Variants in UBA6 observed in about 807,000 individuals in gnomAD.
UBA6 encodes ubiquitin like modifier activating enzyme 6, also known as ubiquitin-like modifier-activating enzyme 6.
UBA6 carries 87 observed loss-of-function variants against 148.3 expected under a neutral mutation model. The observed-to-expected ratio is 0.59, with a 90% CI of 0.49 to 0.70. The LOEUF (loss-of-function observed/expected upper bound fraction) is 0.70. UBA6 is among the 30% of genes least tolerant of loss of function. The probability of loss-of-function intolerance (pLI) is 0.00; values close to 1 mark genes in which losing one functional copy is unlikely to be tolerated. For missense variants in UBA6, 1,186 were observed against 1,241.2 expected, an observed-to-expected ratio of 0.96 and a Z score of 0.67; for synonymous variants, 376 against 401.0, an observed-to-expected ratio of 0.94 and a Z score of 0.75.
At chr4:67,649,462 T>A (rs1322555953) in intron 13 of UBA6, among the ~76,000 whole-genome samples, 1 of 152,230 alleles carries the variant, frequency 6.6e-6, no homozygotes, top group Non-Finnish European at 1.5e-5. Context: ...TAGGGCATCA[T>A]TTATAATTAA....
Position 67,622,953 on chromosome 4 carries a change from A to G in UBA6, c.2929-28T>C, listed in dbSNP as rs534969127. ...AAAAGTGAATATCCAAAAAAGAAACAATGAAAGCCTCGCTCAAACATAAAA... is the reference window on the plus strand; with the variant it reads ...AAAAGTGAATATCCAAAAAAGAAACGATGAAAGCCTCGCTCAAACATAAAA... On this transcript the variant is annotated intron_variant, in intron 31 of 32. Coordinates refer to ENST00000322244, the MANE Select transcript of UBA6 (RefSeq NM_018227.6). 1.1e-4 allele frequency: 168 copies of G among 1,551,046 alleles called. No individual in the cohort carries two copies. In the South Asian group the frequency reaches 1.5e-3, roughly 14 times the overall value.
intron 32 of UBA6, among the ~76,000 whole-genome samples, chr4:67,621,543 C>G (rs1577784853): frequency 6.6e-6 from 1 of 152,344 alleles, no homozygotes; most frequent in Middle Eastern, 3.4e-3. Context: ...TGGCTCACGC[C>G]TGTAATCCCA....
At chr4:67,646,394 T>C (rs1308885882) in intron 15 of UBA6, among the ~76,000 whole-genome samples, 1 of 152,184 alleles carries the variant, frequency 6.6e-6, no homozygotes, top group Non-Finnish European at 1.5e-5. Flanking sequence ...TCTAAACTTT[T>C]CATTCTCAAA....
At chr4:67,696,831 C>A in intron 1 of UBA6, 124 bp from the exon 2 acceptor site, 1 of 665,818 alleles carries the variant, frequency 1.5e-6, no homozygotes, top group South Asian at 2.2e-5. Context: ...TATTAACAAC[C>A]ACTTTACTTA....
At chr4:67,674,695 TA>T (rs1376014333) in intron 6 of UBA6, among the ~76,000 whole-genome samples, 9 of 152,206 alleles carry the variant, frequency 5.9e-5, no homozygotes, top group Non-Finnish European at 8.8e-5. Context: ...ACCCATCACA[TA>T]TTGAATCTGA....
At position 67,673,739 on chromosome 4, in the gene UBA6, C is replaced by A. The variant is rs1436277396; in HGVS notation, c.504G>T (p.Lys168Asn). 1.9e-6 allele frequency: 3 copies of A among 1,612,208 alleles called. No individual in the cohort carries two copies. In the African/African-American group the frequency reaches 4.0e-5, roughly 22 times the overall value. ...VLTEMKLPLQKKINDFCRSQC... is the reference protein window; with the variant it reads ...VLTEMKLPLQNKINDFCRSQC... ...GAGAACGGCAAAAGTCATTGATCTT[C>A]TTCTGCAATGGAAGTTTCATCTCAG... The change falls in exon 7 of 33, where the codon AAG becomes AAT. Residue 168 changes from lysine (K) to asparagine (N), a missense_variant. Transcript: ENST00000322244.
chr4:67,635,257 C>G (rs1729110284), intron 20 of UBA6, among the ~76,000 whole-genome samples, 196 bp downstream of exon 20: 1 of 151,822 alleles, frequency 6.6e-6, no homozygotes, highest in African/African-American at 2.4e-5. Context: ...AATAATGCTC[C>G]AGAAACACCA....
rs1037985270 is a variant in UBA6 at position 67,622,356 on chromosome 4, A to T, written c.3023+475T>A. On this transcript the variant is annotated intron_variant, in intron 32 of 32. Transcript: ENST00000322244. Reference sequence around the variant, plus strand: ...TTTCCTTTTCTCTTTATTCTTCTTTAATTTCTCCATAATACTTACTATCAC... The same window carrying T: ...TTTCCTTTTCTCTTTATTCTTCTTTTATTTCTCCATAATACTTACTATCAC... Among the ~76,000 whole-genome samples, 5 of 152,134 alleles carry T rather than the reference A, an allele frequency of 3.3e-5. No individual in the cohort carries two copies. In the East Asian group the frequency reaches 9.6e-4, roughly 29 times the overall value.
intron 14 of UBA6, among the ~76,000 whole-genome samples, chr4:67,648,753 T>C (rs1729483161): frequency 6.6e-6 from 1 of 152,158 alleles, no homozygotes; most frequent in African/African-American, 2.4e-5. Flanking sequence ...TCAAGAGTCC[T>C]GAGAGCCCGA....
At chr4:67,668,518 G>T in intron 9 of UBA6, 33 bp downstream of exon 9, 1 of 1,586,802 alleles carries the variant, frequency 6.3e-7, no homozygotes, top group Non-Finnish European at 8.6e-7. Flanking sequence ...TGCTGAATAA[G>T]TATAAATGAA....
Position 67,616,127 on chromosome 4 carries a change from AC to A in UBA6, c.*2869del. ...AAATGAACACATATTATCAATGGATACTTAACTCTGATCCTCAAGAGCTCAA... is the reference window on the plus strand; with the variant it reads ...AAATGAACACATATTATCAATGGATATTAACTCTGATCCTCAAGAGCTCAA... On this transcript the variant is annotated 3_prime_UTR_variant, in exon 33 of 33. Transcript: ENST00000322244. 2.5e-6 allele frequency: 1 copy of A among 396,854 alleles called. No homozygotes were observed. Among genetic ancestry groups the A allele is most frequent in the Non-Finnish European group, 4.4e-6 (1 of 225,038 alleles). 24.6% of individuals were successfully genotyped at this position (396,854 alleles called of 1,614,324 possible).
chr4:67,618,147 A>C lies in UBA6; in HGVS notation c.*850T>G, dbSNP rs187045548. 310 of 152,330 alleles carry C rather than the reference A, an allele frequency of 2.0e-3. 4 individuals carry two copies. The highest frequency in any genetic ancestry group is 2.8e-4 in the Non-Finnish European group (19 of 67,920). 9.4% of individuals were successfully genotyped at this position (152,330 alleles called of 1,614,324 possible). Reference sequence around the variant, plus strand: ...TTCTACATTTCATCTATTTCTAAAGACACTCCCTTTACAAAATCTTTTAGT... The same window carrying C: ...TTCTACATTTCATCTATTTCTAAAGCCACTCCCTTTACAAAATCTTTTAGT... On this transcript the variant is annotated 3_prime_UTR_variant, in exon 33 of 33. Coordinates refer to ENST00000322244, the MANE Select transcript of UBA6 (RefSeq NM_018227.6).
rs1289272982 is a variant in UBA6 at position 67,697,659 on chromosome 4, C to A, written c.72-952G>T. Reference sequence around the variant, plus strand: ...AGGGATCTTCTTGCTTAAATCATTCCCCAGTTTTCTCCATCTGAGACCTGT... The same window carrying A: ...AGGGATCTTCTTGCTTAAATCATTCACCAGTTTTCTCCATCTGAGACCTGT... On this transcript the variant is annotated intron_variant, in intron 1 of 32. Coordinates refer to ENST00000322244, the MANE Select transcript of UBA6 (RefSeq NM_018227.6). Among the ~76,000 whole-genome samples the A allele has an allele frequency of 2.0e-5, 3 of 152,104 alleles. No individual in the cohort carries two copies. In the East Asian group the frequency reaches 5.8e-4, roughly 29 times the overall value.
In UBA6 at chr4:67,639,099, T is replaced by C. The variant is rs189096343; in HGVS notation, c.1580A>G (p.Asp527Gly). The change falls in exon 19 of 33, where the codon GAT becomes GGT. Residue 527 changes from aspartate to glycine, a missense_variant. Coordinates refer to ENST00000322244, the MANE Select transcript of UBA6 (RefSeq NM_018227.6). ...IQKPKSYTAA[D>G]ATLKINSQIK... ...TTGAGAATTTATTTTCAGAGTAGCA[T>C]CAGCAGCAGTGTAGCTTTTAGGTTT... 6.2e-7 allele frequency: 1 copy of C among 1,612,944 alleles called. No individual in the cohort carries two copies. Among genetic ancestry groups the C allele is most frequent in the Non-Finnish European group, 8.5e-7 (1 of 1,179,718 alleles).
chr4:67,679,931 A>C (rs1427691489), intron 4 of UBA6, among the ~76,000 whole-genome samples: 1 of 152,190 alleles, frequency 6.6e-6, no homozygotes, highest in African/African-American at 2.4e-5. Context: ...CAATAACCAA[A>C]GATGGAACAA....
At chr4:67,676,105 C>T (rs905660581) in intron 6 of UBA6, among the ~76,000 whole-genome samples, 9 of 144,960 alleles carry the variant, frequency 6.2e-5, no homozygotes, top group South Asian at 4.6e-4. Flanking sequence ...CTCACTGCAA[C>T]TTCCGCCTCC....
Position 67,638,933 on chromosome 4 carries a change from A to G in UBA6, c.1736+10T>C, listed in dbSNP as rs1729235003. 1 of 1,575,986 alleles carries G rather than the reference A, an allele frequency of 6.3e-7. No individual in the cohort carries two copies. The highest frequency in any genetic ancestry group is 8.6e-7 in the Non-Finnish European group (1 of 1,156,902). ...ACAATTCTGTAGGAACATGAATTTCAAGAACATACCTGTCTACGTATCTCC... is the reference window on the plus strand; with the variant it reads ...ACAATTCTGTAGGAACATGAATTTCGAGAACATACCTGTCTACGTATCTCC... On this transcript the variant is annotated intron_variant, in intron 19 of 32. Transcript: ENST00000322244.
At chr4:67,663,806 C>T (rs769183584) in intron 11 of UBA6, 79 bp downstream of exon 11, 1 of 1,239,956 alleles carries the variant, frequency 8.1e-7, no homozygotes, top group Non-Finnish European at 1.2e-6. Context: ...ATGGTTATTC[C>T]ATTTTAACTT....
At chr4:67,668,217 C>T (rs1378712888) in intron 9 of UBA6, among the ~76,000 whole-genome samples, 4 of 152,166 alleles carry the variant, frequency 2.6e-5, no homozygotes, top group Non-Finnish European at 4.4e-5. Flanking sequence ...TTCTGTCTTG[C>T]ATCTGCGCCT....
Sources: allele counts gnomAD v4.1 joint callset (sites outside exome capture counted in the v4.1 genomes callset), GRCh38; gene constraint gnomAD v4.1.1; transcripts MANE v1.5; gene names NCBI Gene and HGNC (gene_info 2026-07-23, HGNC 2026-07-21).